The following UNC5D variants were observed in gnomAD, a reference collection of about 807,000 sequenced individuals.
UNC5D encodes the protein unc-5 netrin receptor D.
A neutral mutation model predicts 105.4 loss-of-function variants in UNC5D; 39 were observed. The observed-to-expected ratio is 0.37, with a 90% CI of 0.29 to 0.48. The LOEUF (loss-of-function observed/expected upper bound fraction) is 0.48, where lower values mean the gene tolerates loss of function less well. UNC5D is among the 20% of genes least tolerant of loss of function. The pLI is 0.98. For synonymous variants in UNC5D, 452 were observed against 450.4 expected (o/e 1.00, Z -0.04); for missense variants, 991 against 1,202.4 (o/e 0.82, Z 2.60).
chr8:35,356,058 A>G (rs1320063441), intron 1 of UNC5D, among the ~76,000 whole-genome samples: 1 of 152,164 alleles, frequency 6.6e-6, no homozygotes, highest in Non-Finnish European at 1.5e-5. Context: ...AGCTGGGTTT[A>G]TAGGAGTGTG....
At chr8:35,384,713 T>C (rs1304666753) in intron 1 of UNC5D, among the ~76,000 whole-genome samples, 1 of 152,192 alleles carries the variant, frequency 6.6e-6, no homozygotes, top group Non-Finnish European at 1.5e-5. Flanking sequence ...AGGTAAAAAT[T>C]TCCGTGTATT....
chr8:35,404,394 A>T (rs1804670344), intron 1 of UNC5D, among the ~76,000 whole-genome samples: 1 of 152,220 alleles, frequency 6.6e-6, no homozygotes. Context: ...TTATAAAGAA[A>T]GCTGGGTTTT....
chr8:35,296,173 A>C (rs943841513), intron 1 of UNC5D, among the ~76,000 whole-genome samples: 1 of 152,216 alleles, frequency 6.6e-6, no homozygotes, highest in African/African-American at 2.4e-5. Context: ...CCTTCAGATA[A>C]ACAGAACAGG....
At chr8:35,631,744 T>C (rs1822056887) in intron 4 of UNC5D, among the ~76,000 whole-genome samples, 1 of 152,204 alleles carries the variant, frequency 6.6e-6, no homozygotes, top group Non-Finnish European at 1.5e-5. Context: ...TATAAGGATA[T>C]TGACCATAAG....
At chr8:35,525,802 T>A (rs1211986234) in intron 1 of UNC5D, 1 of 1,462,252 alleles carries the variant, frequency 6.8e-7, no homozygotes, top group Non-Finnish European at 9.1e-7. Context: ...ACTAACTTTT[T>A]TGTTTTAATT....
intron 1 of UNC5D, among the ~76,000 whole-genome samples, chr8:35,454,725 C>T (rs931622754): frequency 3.3e-5 from 5 of 152,078 alleles, no homozygotes; most frequent in Non-Finnish European, 7.3e-5. Flanking sequence ...GTGTAGCCCC[C>T]GTACCCATAA....
intron 4 of UNC5D, among the ~76,000 whole-genome samples, chr8:35,643,369 A>AT (rs546589278): frequency 3.5e-4 from 53 of 151,976 alleles, no homozygotes; most frequent in African/African-American, 1.2e-3. Context: ...TGCAATTGAG[A>AT]TTTTTTTGGT....
intron 16 of UNC5D, among the ~76,000 whole-genome samples, chr8:35,784,781 G>C (rs974289994): frequency 6.6e-6 from 1 of 151,956 alleles, no homozygotes; most frequent in Admixed American, 6.6e-5. Flanking sequence ...ATAGAGAGTA[G>C]CTCGTTTACA....
chr8:35,292,901 G>T (rs1411483704), intron 1 of UNC5D, among the ~76,000 whole-genome samples: 1 of 151,568 alleles, frequency 6.6e-6, no homozygotes, highest in Non-Finnish European at 1.5e-5. Context: ...TGATGGCCAG[G>T]GTGGTCTTGA....
intron 4 of UNC5D, among the ~76,000 whole-genome samples, chr8:35,654,891 G>A (rs1318001844): frequency 2.6e-5 from 4 of 152,074 alleles, no homozygotes; most frequent in East Asian, 1.9e-4. Context: ...TTCTCAGATC[G>A]AAAGCAAGGG....
intron 1 of UNC5D, among the ~76,000 whole-genome samples, chr8:35,369,205 C>G (rs1017677489): frequency 6.6e-6 from 1 of 152,184 alleles, no homozygotes; most frequent in Admixed American, 6.5e-5. Context: ...CAGGTAGTGT[C>G]TCTCCCTAGG....
intron 7 of UNC5D, among the ~76,000 whole-genome samples, chr8:35,697,964 A>AC (rs1477816577): frequency 6.6e-6 from 1 of 151,774 alleles, no homozygotes; most frequent in African/African-American, 2.4e-5. Flanking sequence ...CCAAATCTCA[A>AC]CCCCCACCAT....
At chr8:35,293,392 G>A (rs1807223616) in intron 1 of UNC5D, among the ~76,000 whole-genome samples, 1 of 152,132 alleles carries the variant, frequency 6.6e-6, no homozygotes, top group African/African-American at 2.4e-5. Context: ...AAGCAGTCCT[G>A]AATAATGGGA....
chr8:35,662,394 T>G (rs1037292468), intron 4 of UNC5D, among the ~76,000 whole-genome samples: 1 of 152,130 alleles, frequency 6.6e-6, no homozygotes, highest in Non-Finnish European at 1.5e-5. Flanking sequence ...CTGCCAAGGT[T>G]GATAGAGATT....
intron 1 of UNC5D, among the ~76,000 whole-genome samples, chr8:35,261,038 C>G (rs892181774): frequency 6.6e-6 from 1 of 152,148 alleles, no homozygotes; most frequent in Admixed American, 6.5e-5. Flanking sequence ...TCTTAAGCAG[C>G]CTTCACTGCT....
chr8:35,733,864 T>C (rs551634706), intron 11 of UNC5D, among the ~76,000 whole-genome samples: 1 of 152,062 alleles, frequency 6.6e-6, no homozygotes, highest in Non-Finnish European at 1.5e-5. Flanking sequence ...AAAAGATGAA[T>C]AGGAATTAGC....
intron 1 of UNC5D, among the ~76,000 whole-genome samples, chr8:35,503,773 G>A (rs1333283399): frequency 6.6e-6 from 1 of 152,042 alleles, no homozygotes; most frequent in African/African-American, 2.4e-5. Context: ...CTGAATCATC[G>A]TCATTGAAGA....
chr8:35,443,073 C>T (rs767846907), intron 1 of UNC5D, among the ~76,000 whole-genome samples: 2 of 151,850 alleles, frequency 1.3e-5, no homozygotes, highest in African/African-American at 2.4e-5. Context: ...AGAGGAATGA[C>T]CTCATGGCTT....
At chr8:35,534,204 G>C (rs1184542146) in intron 1 of UNC5D, among the ~76,000 whole-genome samples, 3 of 152,136 alleles carry the variant, frequency 2.0e-5, no homozygotes, top group Non-Finnish European at 4.4e-5. Flanking sequence ...GGAGGAAATG[G>C]TAATGTAGCA....
Sources: gnomAD v4.1 joint callset for allele counts (sites outside exome capture counted in the v4.1 genomes callset) on GRCh38, gnomAD v4.1.1 for gene constraint, MANE v1.5 for transcripts, NCBI Gene and HGNC (gene_info 2026-07-23, HGNC 2026-07-21) for gene names.